Variants in LUZP2 observed in about 807,000 individuals in gnomAD.
The protein encoded by LUZP2 is leucine zipper protein 2.
In LUZP2, 52 loss-of-function variants were observed where a neutral mutation model predicts 51.6. That is an observed-to-expected ratio of 1.01 (90% CI 0.81 to 1.27). LUZP2 has a LOEUF of 1.27. Among genes scored for constraint, LUZP2 ranks in the 50% most tolerant of loss-of-function variants. The pLI is 0.00. For missense variants in LUZP2, 436 were observed against 395.4 expected (o/e 1.10, Z -0.87); for synonymous variants, 154 against 137.3 (o/e 1.12, Z -0.85).
intron 5 of LUZP2, among the ~76,000 whole-genome samples, chr11:24,893,799 C>T (rs546391727): frequency 1.4e-5 from 2 of 145,668 alleles, no homozygotes; most frequent in South Asian, 2.2e-4. Context: ...CACACACACA[C>T]GCACATGGTT....
chr11:24,575,107 G>A (rs192233244), intron 1 of LUZP2, among the ~76,000 whole-genome samples: 1 of 151,742 alleles, frequency 6.6e-6, no homozygotes, highest in Admixed American at 6.6e-5. Flanking sequence ...TTTAAGCTTC[G>A]ACCATTTCAA....
intron 5 of LUZP2, among the ~76,000 whole-genome samples, chr11:24,795,329 C>T (rs1849518258): frequency 6.6e-6 from 1 of 151,848 alleles, no homozygotes; most frequent in Non-Finnish European, 1.5e-5. Context: ...GTCAGCATTG[C>T]AATATTTATC....
At chr11:24,749,197 G>A (rs1048776674) in intron 4 of LUZP2, among the ~76,000 whole-genome samples, 5 of 152,192 alleles carry the variant, frequency 3.3e-5, no homozygotes, top group African/African-American at 1.2e-4. Context: ...ACCTGGGCTG[G>A]CACAAAGTGC....
intron 10 of LUZP2, among the ~76,000 whole-genome samples, chr11:25,062,587 CAAAAAAAAAAAAAAA>C (rs1163708322): frequency 1.2e-4 from 5 of 43,092 alleles, no homozygotes; most frequent in East Asian, 7.7e-4. Flanking sequence ...AAGACCCTGT[CAAAAAAAAAAAAAAA>C]AAAAAAAAAA....
At chr11:24,606,850 A>T (rs1365559626) in intron 1 of LUZP2, among the ~76,000 whole-genome samples, 1 of 151,994 alleles carries the variant, frequency 6.6e-6, no homozygotes, top group Non-Finnish European at 1.5e-5. Context: ...AAGGGATGTG[A>T]GGTAATATCT....
intron 5 of LUZP2, among the ~76,000 whole-genome samples, chr11:24,823,835 G>T (rs992151281): frequency 1.3e-5 from 2 of 151,888 alleles, no homozygotes; most frequent in Non-Finnish European, 2.9e-5. Context: ...AGGCTGAGAC[G>T]GGTGGATCAC....
At chr11:24,650,244 T>A (rs1855586696) in intron 1 of LUZP2, among the ~76,000 whole-genome samples, 1 of 151,966 alleles carries the variant, frequency 6.6e-6, no homozygotes, top group African/African-American at 2.4e-5. Flanking sequence ...TATCTGGTGA[T>A]CCAAAAATAT....
chr11:24,957,792 T>C (rs2133872875), intron 7 of LUZP2, among the ~76,000 whole-genome samples: 1 of 152,284 alleles, frequency 6.6e-6, no homozygotes, highest in East Asian at 1.9e-4. Context: ...TTAGGGTACA[T>C]GTGCACAATG....
At chr11:24,960,213 T>A (rs1412603156) in intron 7 of LUZP2, among the ~76,000 whole-genome samples, 1 of 152,168 alleles carries the variant, frequency 6.6e-6, no homozygotes, top group Non-Finnish European at 1.5e-5. Flanking sequence ...AAAATTCTCT[T>A]TTTTTGTTGT....
At chr11:24,993,083 G>A (rs571284128) in intron 9 of LUZP2, among the ~76,000 whole-genome samples, 7 of 152,146 alleles carry the variant, frequency 4.6e-5, no homozygotes, top group Non-Finnish European at 8.8e-5. Flanking sequence ...TAAATTATCT[G>A]AATTTTCAGG....
chr11:24,917,960 C>T (rs1199079143), intron 7 of LUZP2, among the ~76,000 whole-genome samples: 3 of 151,958 alleles, frequency 2.0e-5, no homozygotes, highest in East Asian at 1.9e-4. Context: ...ATTCTTCCTA[C>T]CCATGAGCAT....
intron 5 of LUZP2, among the ~76,000 whole-genome samples, chr11:24,778,156 T>A (rs2134068215): frequency 6.6e-6 from 1 of 152,110 alleles, no homozygotes; most frequent in African/African-American, 2.4e-5. Context: ...ATCCCAGCAG[T>A]TTTGGAGGCT....
intron 1 of LUZP2, among the ~76,000 whole-genome samples, chr11:24,536,649 C>A (rs1851189966): frequency 6.6e-6 from 1 of 151,814 alleles, no homozygotes. Flanking sequence ...CTGGTTTGAT[C>A]TTCTATCCAG....
chr11:24,757,415 T>G (rs2129354), intron 4 of LUZP2, among the ~76,000 whole-genome samples: 108,339 of 152,022 alleles, frequency 0.71, 38,954 homozygotes, highest in East Asian at 0.87. Flanking sequence ...TAGTGAGAAA[T>G]GATCAAACAC....
At chr11:24,972,139 G>GAAAAA (rs10701148) in intron 7 of LUZP2, among the ~76,000 whole-genome samples, 631 of 32,750 alleles carry the variant, frequency 0.019, 144 homozygotes, top group East Asian at 0.12. Context: ...GTGAGACTCC[G>GAAAAA]AAAAAAAAAA....
At chr11:24,682,784 T>C (rs1299572606) in intron 1 of LUZP2, among the ~76,000 whole-genome samples, 1 of 151,762 alleles carries the variant, frequency 6.6e-6, no homozygotes, top group Non-Finnish European at 1.5e-5. Flanking sequence ...GGCAGGTGGA[T>C]CACGAGATCA....
chr11:24,569,859 A>T (rs2133797052), intron 1 of LUZP2, among the ~76,000 whole-genome samples: 1 of 143,108 alleles, frequency 7.0e-6, no homozygotes, highest in South Asian at 2.2e-4. Context: ...TTTTAAAAAA[A>T]TTTAAAATAT....
At chr11:24,517,207 C>T (rs899867923) in intron 1 of LUZP2, among the ~76,000 whole-genome samples, 22 of 151,818 alleles carry the variant, frequency 1.4e-4, no homozygotes, top group African/African-American at 4.8e-4. Flanking sequence ...AGGTACAGGC[C>T]GGGCACGATG....
At chr11:24,856,432 G>T (rs1285312355) in intron 5 of LUZP2, among the ~76,000 whole-genome samples, 3 of 151,868 alleles carry the variant, frequency 2.0e-5, no homozygotes, top group African/African-American at 7.2e-5. Context: ...GTCAATAAAA[G>T]TTATTGGCAG....
Sources: allele counts gnomAD v4.1 joint callset (sites outside exome capture counted in the v4.1 genomes callset), GRCh38; gene constraint gnomAD v4.1.1; transcripts MANE v1.5; gene names NCBI Gene and HGNC (gene_info 2026-07-23, HGNC 2026-07-21).